Variants in ANK2 observed in about 807,000 individuals in gnomAD.
ANK2 encodes the protein ankyrin-2.
Under a neutral mutation model 360.5 loss-of-function variants are expected in ANK2, and 83 were observed. That is an observed-to-expected ratio of 0.23 (90% CI 0.19 to 0.28). The LOEUF (loss-of-function observed/expected upper bound fraction) is 0.28, where lower values mean the gene tolerates loss of function less well. Ranked by LOEUF, ANK2 falls within the 10% of genes least tolerant of loss-of-function variation. The pLI is 1.00. For synonymous variants in ANK2, 1,740 were observed against 1,759.5 expected, an observed-to-expected ratio of 0.99 and a Z score of 0.28; for missense variants, 4,201 against 4,795.7, an observed-to-expected ratio of 0.88 and a Z score of 3.66.
intron 2 of ANK2, among the ~76,000 whole-genome samples, chr4:112,913,987 A>G (rs1472576959): frequency 6.6e-6 from 1 of 152,060 alleles, no homozygotes; most frequent in Non-Finnish European, 1.5e-5. Flanking sequence ...CTTACTTTCT[A>G]CTAAGGAACT....
chr4:113,104,925 T>A (rs1022531105), intron 1 of ANK2, among the ~76,000 whole-genome samples: 2 of 152,032 alleles, frequency 1.3e-5, no homozygotes, highest in South Asian at 4.2e-4. Context: ...TATCTAGTTA[T>A]GGACAGTGAG....
the ANK2 span, among the ~76,000 whole-genome samples, chr4:112,724,064 CTT>C: frequency 3.7e-4 from 50 of 134,974 alleles, no homozygotes; most frequent in Admixed American, 9.9e-4. Context: ...CAGGAAAAAT[CTT>C]TTTTTTTTTT....
chr4:113,279,737 CAT>C (rs1223070769), intron 17 of ANK2, among the ~76,000 whole-genome samples: 1 of 149,006 alleles, frequency 6.7e-6, no homozygotes, highest in Non-Finnish European at 1.5e-5. Flanking sequence ...ACTTTGTACA[CAT>C]ACATACATAT....
Position 113,174,400 on chromosome 4 carries a change from T to G in ANK2, c.85-16T>G. 1 of 1,601,056 alleles carries G rather than the reference T, an allele frequency of 6.2e-7. No homozygotes were observed. The highest frequency in any genetic ancestry group is 1.7e-4 in the Middle Eastern group (1 of 6,032). ...TTCATCAATAGTTCATTAAAGGTCT[T>G]TTATTTTTCTCGCAGTCTGACAGCA... is the stretch of plus-strand genomic sequence containing the variant. On this transcript the variant is annotated splice_polypyrimidine_tract_variant and intron_variant, in intron 1 of 45. Transcript: ENST00000357077.
chr4:113,137,470 G>A (rs1309758710), intron 1 of ANK2, among the ~76,000 whole-genome samples: 2 of 152,150 alleles, frequency 1.3e-5, no homozygotes, highest in South Asian at 2.1e-4. Context: ...GTTTGAGTAG[G>A]GCATTGGCTT....
At position 113,333,091 on chromosome 4, in the gene ANK2, C is replaced by T. The variant is rs2153942439; in HGVS notation, c.3262C>T (p.Arg1088Ter). The T allele has an allele frequency of 1.2e-6, 2 of 1,614,030 alleles. No individual in the cohort carries two copies. The highest frequency in any genetic ancestry group is 8.5e-7 in the Non-Finnish European group (1 of 1,180,016). ...IVEIPHFAAL[R>*]GKERELVVLR... ...GGAGATCCCTCACTTTGCGGCCCTT[C>T]GAGGAAAGGAAAGGGAACTGGTGGT... The change falls in exon 29 of 46, where the codon CGA (arginine) becomes TGA (stop). Residue 1088 changes from arginine (R) to a stop codon, truncating the protein, a stop_gained. Coordinates refer to ENST00000357077, the MANE Select transcript of ANK2 (RefSeq NM_001148.6). LOFTEE classifies it high-confidence loss of function.
At chr4:112,747,271 G>A in the ANK2 span, among the ~76,000 whole-genome samples, 1 of 152,224 alleles carries the variant, frequency 6.6e-6, no homozygotes, top group African/African-American at 2.4e-5. Context: ...AGGCCAGTGA[G>A]TGGCACTAAT....
chr4:113,051,781 A>C (rs1330683945), intron 1 of ANK2, among the ~76,000 whole-genome samples: 1 of 152,146 alleles, frequency 6.6e-6, no homozygotes, highest in African/African-American at 2.4e-5. Context: ...TAATGAATCC[A>C]GGGATTCATC....
intron 4 of ANK2, among the ~76,000 whole-genome samples, chr4:113,221,981 C>T (rs1236199580): frequency 6.6e-6 from 1 of 152,178 alleles, no homozygotes; most frequent in Admixed American, 6.5e-5. Context: ...GTTGAAAGAA[C>T]ATGAATTTTG....
the ANK2 span, among the ~76,000 whole-genome samples, chr4:112,727,932 G>A: frequency 6.6e-6 from 1 of 152,060 alleles, no homozygotes; most frequent in Middle Eastern, 3.2e-3. Context: ...AGCCGAGATC[G>A]CGCCATTGCA....
chr4:113,072,742 A>ATTTTTTTTTTTTTTTTTTT (rs34098456), intron 1 of ANK2, among the ~76,000 whole-genome samples: 6 of 74,216 alleles, frequency 8.1e-5, no homozygotes, highest in East Asian at 7.6e-4. Context: ...ACTTGGCATA[A>ATTTTTTTTTTTTTTTTTTT]TTTTTTTTTT....
rs1431692514 is a variant in ANK2, at chr4:113,267,888, A to G, written c.1485+2893A>G. On this transcript the variant is annotated intron_variant, in intron 14 of 45. Transcript: ENST00000357077. ...TAATTCTTCTTATCCATGAGCATGG[A>G]ATGTTTTTCTATTTATTTGTTTCTT... 7.9e-5 allele frequency among the ~76,000 whole-genome samples: 12 copies of G among 152,230 alleles called. No homozygotes were observed. The East Asian group carries it at 2.3e-3, about 29-fold the overall frequency.
intron 1 of ANK2, among the ~76,000 whole-genome samples, chr4:113,101,744 A>G (rs887919406): frequency 7.2e-5 from 11 of 152,154 alleles, no homozygotes; most frequent in African/African-American, 2.7e-4. Flanking sequence ...AAGAGGACAC[A>G]GGTTTGTATA....
chr4:113,157,788 T>A (rs796443657), intron 1 of ANK2, among the ~76,000 whole-genome samples: 9 of 152,284 alleles, frequency 5.9e-5, no homozygotes, highest in African/African-American at 2.2e-4. Flanking sequence ...TGAATGGTGG[T>A]CTCTATGGTA....
chr4:113,156,751 G>A (rs959628230), intron 1 of ANK2, among the ~76,000 whole-genome samples: 1 of 149,180 alleles, frequency 6.7e-6, no homozygotes, highest in African/African-American at 2.5e-5. Context: ...CCGTAATTTT[G>A]TTTTCTTTTA....
At chr4:112,779,221 A>T in the ANK2 span, among the ~76,000 whole-genome samples, 9 of 152,086 alleles carry the variant, frequency 5.9e-5, no homozygotes, top group Non-Finnish European at 8.8e-5. Context: ...TCTGCTTTTT[A>T]AAAAAAAGCC....
At chr4:113,205,741 GT>G (rs1311832217) in intron 4 of ANK2, among the ~76,000 whole-genome samples, 1 of 152,128 alleles carries the variant, frequency 6.6e-6, no homozygotes, top group Non-Finnish European at 1.5e-5. Flanking sequence ...GCTTCCAATA[GT>G]TTTTTCTTCA....
intron 21 of ANK2, chr4:113,293,079 T>TGA (rs2068695372): frequency 2.6e-6 from 1 of 378,344 alleles, no homozygotes; most frequent in Non-Finnish European, 5.1e-6. Flanking sequence ...TGACTTCTGA[T>TGA]GAGGGATAAG....
At chr4:113,326,284 A>G (rs920141045) in intron 26 of ANK2, among the ~76,000 whole-genome samples, 2 of 152,076 alleles carry the variant, frequency 1.3e-5, no homozygotes, top group African/African-American at 4.8e-5. Flanking sequence ...TATATTATCA[A>G]CTGTTGGGAT....
Sources: allele counts gnomAD v4.1 joint callset (sites outside exome capture counted in the v4.1 genomes callset), GRCh38; gene constraint gnomAD v4.1.1; transcripts MANE v1.5; gene names NCBI Gene and HGNC (gene_info 2026-07-23, HGNC 2026-07-21).